The following ADCY2 variants were observed in gnomAD, a reference collection of about 807,000 sequenced individuals.
The protein encoded by ADCY2 is adenylate cyclase 2.
Under a neutral mutation model 125.2 loss-of-function variants are expected in ADCY2, and 31 were observed. The ratio of observed to expected loss-of-function variants is 0.25; its 90% CI spans 0.19 to 0.33. The LOEUF (loss-of-function observed/expected upper bound fraction) is 0.33. ADCY2 is among the 10% of genes least tolerant of loss of function. ADCY2 has a pLI of 1.00. For synonymous variants in ADCY2, 512 were observed against 548.4 expected, an observed-to-expected ratio of 0.93 and a Z score of 0.93; for missense variants, 904 against 1,418.2, an observed-to-expected ratio of 0.64 and a Z score of 5.82.
intron 14 of ADCY2, among the ~76,000 whole-genome samples, chr5:7,732,878 C>G (rs1742146582): frequency 6.6e-6 from 1 of 152,164 alleles, no homozygotes; most frequent in African/African-American, 2.4e-5. Flanking sequence ...GAATCTGGCT[C>G]TAGTCTCAGA....
chr5:7,508,456 C>G (rs2126515433), intron 2 of ADCY2, among the ~76,000 whole-genome samples: 1 of 152,294 alleles, frequency 6.6e-6, no homozygotes, highest in South Asian at 2.1e-4. Context: ...GGTTTGGGTC[C>G]AGATCTGCTC....
chr5:7,685,853 G>C (rs1391538355), intron 4 of ADCY2, among the ~76,000 whole-genome samples: 1 of 152,170 alleles, frequency 6.6e-6, no homozygotes, highest in Non-Finnish European at 1.5e-5. Context: ...AATGATTTCT[G>C]TTTCCTAAGT....
chr5:7,601,690 C>G (rs983623087), intron 3 of ADCY2, among the ~76,000 whole-genome samples: 1 of 152,186 alleles, frequency 6.6e-6, no homozygotes, highest in Admixed American at 6.5e-5. Context: ...CATGTTCCTT[C>G]CAGACCCTTC....
chr5:7,474,582 T>C (rs1418438962), intron 2 of ADCY2, among the ~76,000 whole-genome samples: 1 of 152,026 alleles, frequency 6.6e-6, no homozygotes, highest in Non-Finnish European at 1.5e-5. Context: ...ACAGAAGATA[T>C]CAAAGAAACC....
intron 11 of ADCY2, among the ~76,000 whole-genome samples, chr5:7,714,369 C>A (rs193005121): frequency 8.5e-5 from 13 of 152,338 alleles, no homozygotes; most frequent in Admixed American, 8.5e-4. Context: ...GGTAATGTGT[C>A]ATGGAACCCC....
chr5:7,683,146 C>T (rs1190854528), intron 4 of ADCY2, among the ~76,000 whole-genome samples: 2 of 152,190 alleles, frequency 1.3e-5, no homozygotes, highest in African/African-American at 2.4e-5. Flanking sequence ...GAAGACTCCT[C>T]ACAGGTGGAA....
intron 2 of ADCY2, among the ~76,000 whole-genome samples, chr5:7,418,016 G>GT (rs1288809275): frequency 6.6e-6 from 1 of 151,850 alleles, no homozygotes; most frequent in African/African-American, 2.4e-5. Context: ...CATGTATTTT[G>GT]TTTTTTTGAC....
chr5:7,544,166 C>T (rs1015402330), intron 3 of ADCY2, among the ~76,000 whole-genome samples: 1 of 152,118 alleles, frequency 6.6e-6, no homozygotes, highest in African/African-American at 2.4e-5. Flanking sequence ...ATTAGCTCCC[C>T]ATGGAAAAGA....
At chr5:7,531,907 G>A (rs377413892) in intron 3 of ADCY2, among the ~76,000 whole-genome samples, 2 of 152,160 alleles carry the variant, frequency 1.3e-5, no homozygotes, top group African/African-American at 4.8e-5. Flanking sequence ...CCCACAGTTG[G>A]ACTGCACTTG....
intron 2 of ADCY2, among the ~76,000 whole-genome samples, chr5:7,452,077 AT>A (rs1425621275): frequency 6.6e-6 from 1 of 151,780 alleles, no homozygotes; most frequent in African/African-American, 2.4e-5. Context: ...CATTTGGCTA[AT>A]TTTTTTGTAT....
chr5:7,492,227 CAG>C (rs1324164327), intron 2 of ADCY2, among the ~76,000 whole-genome samples: 1 of 152,178 alleles, frequency 6.6e-6, no homozygotes, highest in Non-Finnish European at 1.5e-5. Context: ...GACCACAGGA[CAG>C]GGCGTATGTT....
intron 2 of ADCY2, among the ~76,000 whole-genome samples, chr5:7,483,471 A>G (rs1742811817): frequency 6.6e-6 from 1 of 152,226 alleles, no homozygotes; most frequent in Admixed American, 6.5e-5. Context: ...TTTCATTATT[A>G]ACCAGAGTAC....
intron 3 of ADCY2, chr5:7,611,227 T>G (rs532880349): frequency 6.6e-6 from 1 of 152,328 alleles, no homozygotes; most frequent in African/African-American, 2.4e-5. Flanking sequence ...GACATAGCCT[T>G]ATTAAATCAT....
At chr5:7,631,190 C>G (rs530290658) in intron 4 of ADCY2, among the ~76,000 whole-genome samples, 2 of 152,138 alleles carry the variant, frequency 1.3e-5, no homozygotes, top group Non-Finnish European at 2.9e-5. Flanking sequence ...ACTGGACTAA[C>G]CGGGCTAATC....
chr5:7,418,791 G>C (rs1740068249), intron 2 of ADCY2, among the ~76,000 whole-genome samples: 1 of 151,486 alleles, frequency 6.6e-6, no homozygotes, highest in African/African-American at 2.4e-5. Context: ...GAGTAGCTGG[G>C]ATTATAGGCA....
chr5:7,776,025 G>A lies in ADCY2; in HGVS notation c.2384+2924G>A, dbSNP rs149001900. Among the ~76,000 whole-genome samples, 595 of 152,176 alleles carry A rather than the reference G, an allele frequency of 3.9e-3. 5 individuals are homozygous for A. The highest frequency in any genetic ancestry group is 0.014 in the African/African-American group (568 of 41,514). On this transcript the variant is annotated intron_variant, in intron 18 of 24. Transcript: ENST00000338316. ...TCTCCAGCCTCATTGCCTGTTTTAC[G>A]TAACCCTGTGACTCATGCCAGAGGT...
chr5:7,706,925 T>A (rs765490863), intron 8 of ADCY2, 23 bp downstream of exon 8: 2 of 1,613,278 alleles, frequency 1.2e-6, no homozygotes, highest in South Asian at 2.2e-5. Context: ...ATTGGATTTC[T>A]TTCTTCAAGC....
At chr5:7,611,068 A>T (rs957690848) in intron 3 of ADCY2, 5 of 152,162 alleles carry the variant, frequency 3.3e-5, no homozygotes, top group African/African-American at 9.7e-5. Context: ...TGTTTCTGTT[A>T]GGAAAACAAC....
intron 3 of ADCY2, among the ~76,000 whole-genome samples, chr5:7,546,084 A>G (rs929488002): frequency 6.6e-6 from 1 of 152,142 alleles, no homozygotes; most frequent in Non-Finnish European, 1.5e-5. Context: ...ACCTATTCCA[A>G]TACTGATGCC....
Sources: gnomAD v4.1 joint callset for allele counts (sites outside exome capture counted in the v4.1 genomes callset) on GRCh38, gnomAD v4.1.1 for gene constraint, MANE v1.5 for transcripts, NCBI Gene and HGNC (gene_info 2026-07-23, HGNC 2026-07-21) for gene names.